EXOC5: variants seen among roughly 807,000 people sequenced by gnomAD.
EXOC5 encodes exocyst complex component 5.
Under a neutral mutation model 90.8 loss-of-function variants are expected in EXOC5, and 17 were observed. That is an observed-to-expected ratio of 0.19 (90% CI 0.13 to 0.28). The LOEUF is 0.28. EXOC5 is among the 10% of genes least tolerant of loss of function. The probability of loss-of-function intolerance (pLI) is 1.00; values close to 1 mark genes in which losing one functional copy is unlikely to be tolerated. For missense variants in EXOC5, 569 were observed against 830.6 expected (o/e 0.69, Z 3.87); for synonymous variants, 260 against 270.0 (o/e 0.96, Z 0.36).
At chr14:57,222,879 T>G (rs532934328) in intron 12 of EXOC5, among the ~76,000 whole-genome samples, 3 of 151,988 alleles carry the variant, frequency 2.0e-5, no homozygotes, top group African/African-American at 7.2e-5. Flanking sequence ...TGAGAGCCAC[T>G]GACTGAGCAA....
intron 12 of EXOC5, among the ~76,000 whole-genome samples, chr14:57,225,913 A>T (rs148947246): frequency 6.6e-6 from 1 of 152,358 alleles, no homozygotes; most frequent in Non-Finnish European, 1.5e-5. Context: ...AGAGACAAAC[A>T]GTCGTATTCT....
intron 1 of EXOC5, among the ~76,000 whole-genome samples, chr14:57,258,186 C>G (rs1884404672): frequency 6.6e-6 from 1 of 152,158 alleles, no homozygotes; most frequent in African/African-American, 2.4e-5. Context: ...ACCCAGCAAT[C>G]CCATTACTGG....
At chr14:57,211,072 T>C (rs1043859561) in intron 15 of EXOC5, among the ~76,000 whole-genome samples, 4 of 151,548 alleles carry the variant, frequency 2.6e-5, no homozygotes, top group Admixed American at 2.0e-4. Flanking sequence ...ATGGTTTTTG[T>C]CTTAGAAGTC....
At chr14:57,247,837 C>A in intron 1 of EXOC5, 125 bp from the exon 2 acceptor site, 1 of 458,128 alleles carries the variant, frequency 2.2e-6, no homozygotes, top group Non-Finnish European at 3.9e-6. Flanking sequence ...TTAAATACAT[C>A]TATATTATTA....
intron 7 of EXOC5, among the ~76,000 whole-genome samples, chr14:57,235,416 AG>A (rs1883626484): frequency 6.6e-6 from 1 of 152,116 alleles, no homozygotes; most frequent in African/African-American, 2.4e-5. Context: ...AATATGTGGA[AG>A]CAAAAAGGCA....
At position 57,209,989 on chromosome 14, in the gene EXOC5, T is replaced by C; in HGVS notation, c.1686A>G (p.Pro562=). The C allele has an allele frequency of 6.3e-7, 1 of 1,588,158 alleles. No homozygotes were observed. The highest frequency in any genetic ancestry group is 8.6e-7 in the Non-Finnish European group (1 of 1,160,334). ...AAEQKKTDFK[P]EDENNVLIQY... is the part of the protein sequence containing the mutation. ...GAATCAAAACATTGTTTTCATCTTC[T>C]GGCTTAAAATCTGTTTTCTTCTGTT... Residue 562 remains proline (P), a synonymous_variant, in exon 16 of 18, where the codon CCA becomes CCG. Coordinates refer to ENST00000621441, the MANE Select transcript of EXOC5 (RefSeq NM_006544.4).
chr14:57,242,210 G>C (rs563907307), intron 4 of EXOC5, among the ~76,000 whole-genome samples: 1 of 151,538 alleles, frequency 6.6e-6, no homozygotes, highest in South Asian at 2.1e-4. Context: ...ACATAATAGG[G>C]TTTTTTTTGT....
Position 57,209,775 on chromosome 14 carries a change from A to C in EXOC5, c.1730T>G (p.Val577Gly). 1.9e-6 allele frequency: 3 copies of C among 1,607,110 alleles called. No individual in the cohort carries two copies. The highest frequency in any genetic ancestry group is 2.6e-6 in the Non-Finnish European group (3 of 1,175,764). ...TTTTCTTACGTAAGCACAGACTTTT[A>C]CACAGGCCTATAAAAGTTTTTCTAC... Reference protein sequence around the residue: ...NVLIQYTNACVKVCAYVRKQV... With the variant: ...NVLIQYTNACGKVCAYVRKQV... The change falls in exon 17 of 18, where the codon GTA (valine) becomes GGA (glycine). Residue 577 changes from valine to glycine, a missense_variant. This residue lies in a region of EXOC5 where 122 missense variants were observed against 180.0 expected (regional missense o/e 0.68). Coordinates refer to ENST00000621441, the MANE Select transcript of EXOC5 (RefSeq NM_006544.4).
chr14:57,246,904 T>C (rs1270637628), intron 2 of EXOC5, 46 bp from the exon 3 acceptor site: 10 of 1,187,162 alleles, frequency 8.4e-6, no homozygotes, highest in Non-Finnish European at 1.1e-5. Context: ...CTATTATTAA[T>C]CCTTAGGAAC....
At chr14:57,253,819 C>G (rs1884264162) in intron 1 of EXOC5, among the ~76,000 whole-genome samples, 2 of 152,272 alleles carry the variant, frequency 1.3e-5, no homozygotes, top group Non-Finnish European at 2.9e-5. Context: ...GCAAAAGCAT[C>G]CTTACCTAAC....
intron 1 of EXOC5, among the ~76,000 whole-genome samples, chr14:57,248,291 A>G (rs918515419): frequency 1.3e-5 from 2 of 152,014 alleles, no homozygotes; most frequent in African/African-American, 4.8e-5. Flanking sequence ...AAAAGCATAT[A>G]TGAATGCAAA....
intron 1 of EXOC5, among the ~76,000 whole-genome samples, chr14:57,251,762 A>T (rs1358628154): frequency 2.0e-5 from 3 of 152,024 alleles, no homozygotes; most frequent in Non-Finnish European, 2.9e-5. Context: ...AATTAATGAA[A>T]CCAGAAGTTG....
chr14:57,268,278 A>T (rs1413634950), intron 1 of EXOC5: 1 of 440,686 alleles, frequency 2.3e-6, no homozygotes, highest in Non-Finnish European at 4.0e-6. Context: ...CCTCGTCCTG[A>T]GTCAGCCCTT....
intron 15 of EXOC5, among the ~76,000 whole-genome samples, chr14:57,214,593 C>A (rs562088236): frequency 3.4e-4 from 52 of 152,158 alleles, no homozygotes; most frequent in Non-Finnish European, 5.0e-4. Flanking sequence ...AAAGATCCAA[C>A]TGAGAAATGA....
At chr14:57,262,071 T>C (rs558384811) in intron 1 of EXOC5, among the ~76,000 whole-genome samples, 1 of 152,156 alleles carries the variant, frequency 6.6e-6, no homozygotes, top group African/African-American at 2.4e-5. Context: ...TCTTGGATCA[T>C]TTACTCTGAG....
At chr14:57,252,253 A>G (rs1195623978) in intron 1 of EXOC5, among the ~76,000 whole-genome samples, 6 of 152,234 alleles carry the variant, frequency 3.9e-5, no homozygotes. Flanking sequence ...AAGACTGTAC[A>G]AGGAAACTAC....
rs1337940225 is a variant in EXOC5, at chr14:57,268,815, A to C, written c.-167T>G. On this transcript the variant is annotated 5_prime_UTR_variant, in exon 1 of 18. An upstream start codon of the reference 5' UTR is lost. Transcript: ENST00000621441. ...TCCCAGGAGGGGCGGGAGAGCGGCCATGAAGCGAAGCCGCAAACGCTTGTC... is the reference window on the plus strand; with the variant it reads ...TCCCAGGAGGGGCGGGAGAGCGGCCCTGAAGCGAAGCCGCAAACGCTTGTC... 7 of 1,399,208 alleles carry C rather than the reference A, an allele frequency of 5.0e-6. No individual in the cohort carries two copies. Among genetic ancestry groups the C allele is most frequent in the Non-Finnish European group, 5.5e-6 (6 of 1,083,590 alleles). The allele number at this position is 1,399,208 out of a possible 1,614,324, so 86.7% of individuals were successfully genotyped here.
At position 57,207,744 on chromosome 14, in the gene EXOC5, A is replaced by G. The variant is rs1022444952; in HGVS notation, c.*865T>C. 6.6e-6 allele frequency: 1 copy of G among 152,110 alleles called. No homozygotes were observed. Among genetic ancestry groups the G allele is most frequent in the African/African-American group, 2.4e-5 (1 of 41,424 alleles). The allele number at this position is 152,110 out of a possible 1,614,324, so 9.4% of individuals were successfully genotyped here. A position where few individuals can be genotyped will look rare whatever the true frequency, so the allele number is the denominator to read the frequency against. ...TTGCTAAACACTGTCAGTATTTCCT[A>G]TATGCACCATTTAGACTATACCTCA... On this transcript the variant is annotated 3_prime_UTR_variant, in exon 18 of 18. Coordinates refer to ENST00000621441, the MANE Select transcript of EXOC5 (RefSeq NM_006544.4).
chr14:57,210,892 C>T (rs888805193), intron 15 of EXOC5, among the ~76,000 whole-genome samples: 3 of 152,136 alleles, frequency 2.0e-5, no homozygotes, highest in African/African-American at 7.2e-5. Flanking sequence ...CTCCACCTAC[C>T]ATGCTGTGCT....
Sources: allele counts gnomAD v4.1 joint callset (sites outside exome capture counted in the v4.1 genomes callset), GRCh38; gene constraint gnomAD v4.1.1; regional missense constraint gnomAD v4.1.1; transcripts MANE v1.5; gene names NCBI Gene and HGNC (gene_info 2026-07-23, HGNC 2026-07-21).